Variants in HIPK3 observed in about 807,000 individuals in gnomAD.
HIPK3 encodes the protein homeodomain-interacting protein kinase 3.
In HIPK3, 47 loss-of-function variants were observed where a neutral mutation model predicts 124.2. That is an observed-to-expected ratio of 0.38 (90% CI 0.30 to 0.48). HIPK3 has a LOEUF of 0.48. HIPK3 is among the 20% of genes least tolerant of loss of function. The pLI, the probability that HIPK3 is intolerant of heterozygous loss-of-function variation, is 0.98. For missense variants in HIPK3, 1,286 were observed against 1,454.3 expected, an observed-to-expected ratio of 0.88 and a Z score of 1.88; for synonymous variants, 482 against 515.2, an observed-to-expected ratio of 0.94 and a Z score of 0.87.
At chr11:33,304,257 T>C (rs1852089117) in intron 2 of HIPK3, among the ~76,000 whole-genome samples, 1 of 152,138 alleles carries the variant, frequency 6.6e-6, no homozygotes, top group Non-Finnish European at 1.5e-5. Context: ...ATTTTTTAAA[T>C]TAAAAAAGTA....
At position 33,286,838 on chromosome 11, in the gene HIPK3, C is replaced by A; in HGVS notation, c.424C>A (p.Gln142Lys). 6.2e-7 allele frequency: 1 copy of A among 1,614,144 alleles called. No individual in the cohort carries two copies. The highest frequency in any genetic ancestry group is 8.5e-7 in the Non-Finnish European group (1 of 1,180,018). The change falls in exon 2 of 17, where the codon CAG becomes AAG. Residue 142 changes from glutamine to lysine, a missense_variant. Gln to Lys is a moderately conservative substitution (Grantham distance 53). This residue lies in a region of HIPK3 where 225 missense variants were observed against 240.3 expected (regional missense o/e 0.94). Transcript: ENST00000303296. ...EELDNHSSAM[Q>K]IVDELSILPA... The stretch of plus-strand genomic sequence containing the variant: ...GTTGGATAATCATAGCAGCGCAATG[C>A]AGATTGTCGATGAATTGTCCATACT...
At chr11:33,310,240 C>T (rs1362239074) in intron 2 of HIPK3, among the ~76,000 whole-genome samples, 3 of 136,784 alleles carry the variant, frequency 2.2e-5, no homozygotes, top group African/African-American at 8.7e-5. Flanking sequence ...GTCTGTCTGT[C>T]TGTCTGTCTG....
At chr11:33,304,347 C>G (rs1315026209) in intron 2 of HIPK3, among the ~76,000 whole-genome samples, 1 of 152,144 alleles carries the variant, frequency 6.6e-6, no homozygotes, top group African/African-American at 2.4e-5. Flanking sequence ...CACCTGAATT[C>G]GGGACTTCGA....
At chr11:33,343,365 C>T (rs1481469547) in intron 8 of HIPK3, among the ~76,000 whole-genome samples, 1 of 151,608 alleles carries the variant, frequency 6.6e-6, no homozygotes, top group East Asian at 1.9e-4. Context: ...ACTGCACCTC[C>T]ACCTCCTGAG....
At position 33,337,212 on chromosome 11, in the gene HIPK3, A is replaced by C. The variant is rs372539597; in HGVS notation, c.1341+18A>C. ...GATTAAAGGTAATTCATTAAAAAAT[A>C]GAATATTTAGAAGACTAGTTTTCTA... On this transcript the variant is annotated intron_variant, in intron 4 of 16. Coordinates refer to ENST00000303296, the MANE Select transcript of HIPK3 (RefSeq NM_005734.5). The C allele has an allele frequency of 9.0e-6, 13 of 1,450,598 alleles. No homozygotes were observed. Among genetic ancestry groups the C allele is most frequent in the Non-Finnish European group, 9.5e-7 (1 of 1,053,436 alleles). 89.9% of individuals were successfully genotyped at this position (1,450,598 alleles called of 1,614,324 possible). A position where few individuals can be genotyped will look rare whatever the true frequency, so the allele number is the denominator to read the frequency against.
chr11:33,285,578 A>AT (rs1554962873), intron 1 of HIPK3, among the ~76,000 whole-genome samples: 789 of 38,348 alleles, frequency 0.021, 4 homozygotes, highest in Middle Eastern at 0.11. Flanking sequence ...AAAAAAAAAA[A>AT]ATATATATAT....
At chr11:33,344,443 T>C (rs954264842) in intron 8 of HIPK3, among the ~76,000 whole-genome samples, 1 of 152,172 alleles carries the variant, frequency 6.6e-6, no homozygotes, top group Non-Finnish European at 1.5e-5. Flanking sequence ...TGGCAAAAAC[T>C]TAAAGAGACT....
intron 2 of HIPK3, among the ~76,000 whole-genome samples, chr11:33,293,172 GT>G (rs1201602168): frequency 2.6e-5 from 4 of 152,040 alleles, no homozygotes; most frequent in African/African-American, 9.7e-5. Flanking sequence ...GAGCTCTTAA[GT>G]TTTTTTGTTT....
intron 2 of HIPK3, among the ~76,000 whole-genome samples, chr11:33,311,275 C>T (rs1475812421): frequency 6.6e-6 from 1 of 152,108 alleles, no homozygotes; most frequent in African/African-American, 2.4e-5. Flanking sequence ...AGCATTGACC[C>T]CCTGGGCTCC....
In HIPK3 at chr11:33,287,470, A is replaced by C. The variant is rs750374492; in HGVS notation, c.1056A>C (p.Ser352=). 3.7e-6 allele frequency: 6 copies of C among 1,613,748 alleles called. No individual in the cohort carries two copies. The South Asian group carries it at 6.6e-5, about 18-fold the overall frequency. The change falls in exon 2 of 17, where the codon TCA becomes TCC. Residue 352 remains serine, a synonymous_variant. Coordinates refer to ENST00000303296, the MANE Select transcript of HIPK3 (RefSeq NM_005734.5). ...VIDFGSASHV[S]KTVCSTYLQS... Reference sequence around the variant, plus strand: ...ACTTTGGGTCGGCCAGTCATGTATCAAAGACTGTTTGTTCAACATATCTAC... The same window carrying C: ...ACTTTGGGTCGGCCAGTCATGTATCCAAGACTGTTTGTTCAACATATCTAC...
intron 5 of HIPK3, 88 bp from the exon 6 acceptor site, chr11:33,339,262 G>GA (rs1255776624): frequency 5.3e-6 from 5 of 949,032 alleles, no homozygotes; most frequent in Non-Finnish European, 8.1e-6. Context: ...CCTGTGTTGT[G>GA]ATTTTTGTTT....
rs1850947203 is a variant in HIPK3 at position 33,265,928 on chromosome 11, A to G, written c.-3+8039A>G. On this transcript the variant is annotated intron_variant, in intron 1 of 16. Coordinates refer to ENST00000303296, the MANE Select transcript of HIPK3 (RefSeq NM_005734.5). ...GTGAAACCCAGACTCTACTAAAAAC[A>G]AAAAAATTAGCTGGGTGTGGTGGTG... 1.3e-5 allele frequency among the ~76,000 whole-genome samples: 2 copies of G among 151,474 alleles called. 1 individual carries two copies. Among genetic ancestry groups the G allele is most frequent in the Admixed American group, 1.3e-4 (2 of 15,160 alleles).
chr11:33,353,921 T>C lies in HIPK3; in HGVS notation c.*353T>C. The C allele has an allele frequency of 4.0e-6, 1 of 250,080 alleles. No individual in the cohort carries two copies. The highest frequency in any genetic ancestry group is 7.8e-6 in the Non-Finnish European group (1 of 127,602). The allele number at this position is 250,080 out of a possible 1,614,324, so 15.5% of individuals were successfully genotyped here. A position where few individuals can be genotyped will look rare whatever the true frequency, so the allele number is the denominator to read the frequency against. On this transcript the variant is annotated 3_prime_UTR_variant, in exon 17 of 17. Transcript: ENST00000303296. ...AGACTTAGAGCAACAGATGCACATA[T>C]GTCAGAATTACAGCATACAAGTGAA...
At chr11:33,304,000 G>A (rs1031904596) in intron 2 of HIPK3, among the ~76,000 whole-genome samples, 3 of 152,032 alleles carry the variant, frequency 2.0e-5, no homozygotes, top group African/African-American at 7.2e-5. Context: ...GAGTGCAGTG[G>A]CACCATCTTG....
chr11:33,296,523 G>C (rs1190286500), intron 2 of HIPK3, among the ~76,000 whole-genome samples: 2 of 152,200 alleles, frequency 1.3e-5, no homozygotes. Flanking sequence ...CAAATTGAAG[G>C]TTTGTGGCAA....
chr11:33,257,673 A>G lies in HIPK3; in HGVS notation c.-219A>G, dbSNP rs1850702493. Reference sequence around the variant, plus strand: ...CCCGGCGCTTAGCAGCCAGAGCAGCAGCAGCAGCAGCAGCGGTCGGGGGAG... The same window carrying G: ...CCCGGCGCTTAGCAGCCAGAGCAGCGGCAGCAGCAGCAGCGGTCGGGGGAG... On this transcript the variant is annotated 5_prime_UTR_variant, in exon 1 of 17. Transcript: ENST00000303296. 4 of 993,856 alleles carry G rather than the reference A, an allele frequency of 4.0e-6. No homozygotes were observed. In the South Asian group the frequency reaches 1.8e-4, roughly 44 times the overall value. The allele number at this position is 993,856 out of a possible 1,614,324, so 61.6% of individuals were successfully genotyped here. A position where few individuals can be genotyped will look rare whatever the true frequency, so the allele number is the denominator to read the frequency against.
chr11:33,313,830 T>G (rs1852417240), intron 2 of HIPK3, among the ~76,000 whole-genome samples: 1 of 152,102 alleles, frequency 6.6e-6, no homozygotes, highest in African/African-American at 2.4e-5. Context: ...TTAAATAATG[T>G]GTTTATTTTA....
At chr11:33,308,382 A>G (rs929930132) in intron 2 of HIPK3, among the ~76,000 whole-genome samples, 2 of 152,192 alleles carry the variant, frequency 1.3e-5, no homozygotes, top group African/African-American at 4.8e-5. Context: ...TATAAACTGT[A>G]AATTTCTGCA....
chr11:33,290,520 A>G (rs1851670375), intron 2 of HIPK3, among the ~76,000 whole-genome samples: 1 of 151,498 alleles, frequency 6.6e-6, no homozygotes, highest in South Asian at 2.1e-4. Flanking sequence ...TGGGCCCTAT[A>G]TTTAGTTCAC....
Sources: gnomAD v4.1 joint callset for allele counts (sites outside exome capture counted in the v4.1 genomes callset) on GRCh38, gnomAD v4.1.1 for gene constraint, gnomAD v4.1.1 regional missense constraint, MANE v1.5 for transcripts, NCBI Gene and HGNC (gene_info 2026-07-23, HGNC 2026-07-21) for gene names.